The following ACER2 variants were observed in gnomAD, a reference collection of about 807,000 sequenced individuals.
ACER2 encodes the protein alkaline ceramidase 2.
ACER2 carries 26 observed loss-of-function variants against 34.7 expected under a neutral mutation model. That is an observed-to-expected ratio of 0.75 (90% CI 0.55 to 1.04). The LOEUF (loss-of-function observed/expected upper bound fraction) is 1.04. ACER2 is among the 50% of genes least tolerant of loss of function. ACER2 has a pLI of 0.00. For synonymous variants in ACER2, 138 were observed against 132.1 expected (o/e 1.04, Z -0.31); for missense variants, 352 against 340.8 (o/e 1.03, Z -0.26).
chr9:19,411,551 C>T lies in ACER2; in HGVS notation c.108+2359C>T, dbSNP rs550323545. Among the ~76,000 whole-genome samples the T allele has an allele frequency of 4.6e-5, 7 of 150,818 alleles. No homozygotes were observed. The South Asian group carries it at 1.5e-3, about 31-fold the overall frequency. The stretch of plus-strand genomic sequence containing the variant: ...ATGCCCGGCCTTCTTCCCCTGTGTT[C>T]TTACGTACTACTTATATTTTGATGC... On this transcript the variant is annotated intron_variant, in intron 1 of 5. Transcript: ENST00000340967.
At chr9:19,419,080 A>G (rs1830325529) in intron 1 of ACER2, among the ~76,000 whole-genome samples, 1 of 152,128 alleles carries the variant, frequency 6.6e-6, no homozygotes, top group East Asian at 1.9e-4. Flanking sequence ...AATCCCAGCT[A>G]CTTGGAAGGC....
intron 1 of ACER2, among the ~76,000 whole-genome samples, chr9:19,418,805 G>T (rs1395380612): frequency 3.3e-5 from 5 of 152,086 alleles, no homozygotes; most frequent in African/African-American, 9.7e-5. Context: ...TAACAAACCT[G>T]CACGTTCTGC....
chr9:19,450,080 T>G, intron 5 of ACER2: 1 of 485,986 alleles, frequency 2.1e-6, no homozygotes, highest in African/African-American at 2.1e-5. Flanking sequence ...CTGTAACCAG[T>G]TGTTAAAGTG....
intron 3 of ACER2, among the ~76,000 whole-genome samples, chr9:19,428,115 TTTTC>T (rs1294319390): frequency 1.3e-4 from 20 of 150,862 alleles, no homozygotes; most frequent in African/African-American, 4.9e-4. Context: ...CTTTCTTTTC[TTTTC>T]TTTTTTTCTT....
At chr9:19,434,032 C>T (rs1220199999) in intron 3 of ACER2, among the ~76,000 whole-genome samples, 3 of 147,618 alleles carry the variant, frequency 2.0e-5, no homozygotes, top group South Asian at 2.1e-4. Context: ...GGCTGCCGGG[C>T]GGAGGGTCTC....
chr9:19,433,427 T>C (rs1362336662), intron 3 of ACER2, among the ~76,000 whole-genome samples: 5 of 151,832 alleles, frequency 3.3e-5, no homozygotes, highest in South Asian at 2.1e-4. Context: ...TCCATTTAAC[T>C]CTGAGTGGAC....
intron 4 of ACER2, among the ~76,000 whole-genome samples, chr9:19,437,788 CG>C (rs1831023327): frequency 6.6e-6 from 1 of 152,170 alleles, no homozygotes; most frequent in African/African-American, 2.4e-5. Flanking sequence ...TGCTCCTTCA[CG>C]AGGCCTTTCT....
intron 4 of ACER2, among the ~76,000 whole-genome samples, chr9:19,441,104 G>GTGGCA (rs1217870715): frequency 6.7e-6 from 1 of 148,372 alleles, no homozygotes. Flanking sequence ...CTGGAGTGCA[G>GTGGCA]TGGCATGATC....
chr9:19,443,356 C>T (rs1174534960), intron 4 of ACER2, among the ~76,000 whole-genome samples: 2 of 152,002 alleles, frequency 1.3e-5, no homozygotes, highest in East Asian at 1.9e-4. Context: ...TTAGTAGATA[C>T]GGGGTTTCAC....
intron 5 of ACER2, among the ~76,000 whole-genome samples, chr9:19,449,894 A>T (rs1160450434): frequency 1.3e-5 from 1 of 78,380 alleles, no homozygotes; most frequent in Admixed American, 1.6e-4. Context: ...TTCATTTAAA[A>T]AAAAAAAAAA....
In ACER2 at chr9:19,427,006, T is replaced by C. The variant is rs1477569410; in HGVS notation, c.365+2165T>C. On this transcript the variant is annotated intron_variant, in intron 3 of 5. Transcript: ENST00000340967. The stretch of plus-strand genomic sequence containing the variant: ...AAGATGTGAAGATATAGCCACTCTG[T>C]CCTCCTTTGGAGGCACTGGGTACCA... Among the ~76,000 whole-genome samples the C allele has an allele frequency of 4.6e-5, 7 of 152,356 alleles. No homozygotes were observed. In the East Asian group the frequency reaches 9.6e-4, roughly 21 times the overall value.
At chr9:19,422,981 G>A (rs1830449951) in intron 1 of ACER2, among the ~76,000 whole-genome samples, 1 of 149,820 alleles carries the variant, frequency 6.7e-6, no homozygotes, top group African/African-American at 2.5e-5. Flanking sequence ...GCAGTGAGCT[G>A]AGACTGCACC....
At chr9:19,450,120 G>T (rs188950811) in intron 5 of ACER2, 2 of 868,530 alleles carry the variant, frequency 2.3e-6, no homozygotes, top group African/African-American at 3.7e-5. Flanking sequence ...GATGTGCTCA[G>T]TTACTTCCAT....
At position 19,452,280 on chromosome 9, in the gene ACER2, C is replaced by T. The variant is rs1238010145; in HGVS notation, c.*1644C>T. On this transcript the variant is annotated 3_prime_UTR_variant, in exon 6 of 6. Coordinates refer to ENST00000340967, the MANE Select transcript of ACER2 (RefSeq NM_001010887.3). ...GAGTTGGGAAGGTGACGATTTTTGA[C>T]ACATCCAGGAACTCTTACTCTAGTT... 2.6e-5 allele frequency among the ~76,000 whole-genome samples: 4 copies of T among 152,276 alleles called. No homozygotes were observed. In the East Asian group the frequency reaches 5.8e-4, roughly 22 times the overall value.
At chr9:19,437,142 CCTCGT>C (rs1831003272) in intron 4 of ACER2, among the ~76,000 whole-genome samples, 1 of 152,218 alleles carries the variant, frequency 6.6e-6, no homozygotes, top group Admixed American at 6.5e-5. Flanking sequence ...TGCAGTCCAT[CCTCGT>C]CTCTTTCCTG....
chr9:19,433,115 G>A (rs979450058), intron 3 of ACER2, among the ~76,000 whole-genome samples: 7 of 148,096 alleles, frequency 4.7e-5, no homozygotes, highest in African/African-American at 7.5e-5. Context: ...TAAGTTTCTC[G>A]AAGTGGAATT....
At chr9:19,409,815 C>T (rs1279054488) in intron 1 of ACER2, 1 of 985,228 alleles carries the variant, frequency 1.0e-6, no homozygotes, top group African/African-American at 1.7e-5. Flanking sequence ...TCCCCCAGGA[C>T]TGTGCTTTCT....
intron 4 of ACER2, among the ~76,000 whole-genome samples, chr9:19,443,431 G>T (rs1416924728): frequency 2.0e-5 from 3 of 152,232 alleles, no homozygotes; most frequent in Non-Finnish European, 4.4e-5. Flanking sequence ...CTCCAAGAGT[G>T]TTGGGATTAC....
intron 1 of ACER2, among the ~76,000 whole-genome samples, chr9:19,415,455 A>T (rs1830213908): frequency 1.3e-5 from 2 of 152,118 alleles, no homozygotes; most frequent in Non-Finnish European, 2.9e-5. Context: ...AGATTTCGCC[A>T]CTGTACTCTA....
Sources: allele counts gnomAD v4.1 joint callset (sites outside exome capture counted in the v4.1 genomes callset), GRCh38; gene constraint gnomAD v4.1.1; transcripts MANE v1.5; gene names NCBI Gene and HGNC (gene_info 2026-07-23, HGNC 2026-07-21).